The following PARD3B variants were observed in gnomAD, a reference collection of about 807,000 sequenced individuals.
PARD3B encodes par-3 family cell polarity regulator beta.
A neutral mutation model predicts 130.2 loss-of-function variants in PARD3B; 103 were observed. The observed-to-expected ratio is 0.79, with a 90% CI of 0.67 to 0.93. PARD3B has a LOEUF of 0.93. Among genes scored for constraint, PARD3B ranks in the 40% least tolerant of loss-of-function variants. The pLI is 0.00. For synonymous variants in PARD3B, 583 were observed against 553.2 expected, an observed-to-expected ratio of 1.05 and a Z score of -0.76; for missense variants, 1,609 against 1,499.2, an observed-to-expected ratio of 1.07 and a Z score of -1.21.
Position 204,967,970 on chromosome 2 carries a change from G to T in PARD3B, c.394+2647G>T, listed in dbSNP as rs574257823. 6.6e-6 allele frequency among the ~76,000 whole-genome samples: 1 copy of T among 152,222 alleles called. No homozygotes were observed. The highest frequency in any genetic ancestry group is 6.5e-5 in the Admixed American group (1 of 15,288). On this transcript the variant is annotated intron_variant, in intron 3 of 22. Coordinates refer to ENST00000406610, the MANE Select transcript of PARD3B (RefSeq NM_001302769.2). This position sits in a 1 kb window ranked among gnomAD's most constrained non-coding sequence, Gnocchi z 4.4. ...TGCCCCAGCAGTTCCTCCTAACAGGGTGCTCATGAAATGTCAGCCATTGAA... is the reference window on the plus strand; with the variant it reads ...TGCCCCAGCAGTTCCTCCTAACAGGTTGCTCATGAAATGTCAGCCATTGAA...
intron 1 of PARD3B, among the ~76,000 whole-genome samples, chr2:204,551,673 C>T (rs571261305): frequency 3.9e-4 from 59 of 152,218 alleles, no homozygotes; most frequent in African/African-American, 1.2e-3. Flanking sequence ...GCCCTGTGCG[C>T]GATTGGGAGC....
intron 18 of PARD3B, among the ~76,000 whole-genome samples, 200 bp from the exon 19 acceptor site, chr2:205,400,813 A>T (rs769091271): frequency 5.3e-5 from 8 of 152,170 alleles, no homozygotes; most frequent in Admixed American, 2.0e-4. Flanking sequence ...GGAAGGAAAG[A>T]AGAGAGAAAA....
chr2:204,952,692 C>T (rs1195651020), intron 2 of PARD3B, among the ~76,000 whole-genome samples: 1 of 152,022 alleles, frequency 6.6e-6, no homozygotes, highest in Non-Finnish European at 1.5e-5. Context: ...GTAAAAATAG[C>T]TCATAAAAAT....
At chr2:205,594,682 C>T (rs2106608519) in intron 22 of PARD3B, among the ~76,000 whole-genome samples, 1 of 152,184 alleles carries the variant, frequency 6.6e-6, no homozygotes, top group East Asian at 1.9e-4. Context: ...ATGTGAAAGC[C>T]CTTGACTTTG....
At chr2:205,318,496 G>C (rs1005157319) in intron 18 of PARD3B, among the ~76,000 whole-genome samples, 1 of 152,086 alleles carries the variant, frequency 6.6e-6, no homozygotes, top group Admixed American at 6.5e-5. Context: ...AGGTTAACTA[G>C]AACTTGCTAC....
At chr2:205,457,430 A>C (rs1392906257) in intron 20 of PARD3B, among the ~76,000 whole-genome samples, 1 of 151,714 alleles carries the variant, frequency 6.6e-6, no homozygotes, top group Non-Finnish European at 1.5e-5. Context: ...CTATGTTTTC[A>C]TGTATCTTAA....
intron 3 of PARD3B, among the ~76,000 whole-genome samples, chr2:205,017,711 T>C (rs1029465485): frequency 6.6e-6 from 1 of 152,164 alleles, no homozygotes; most frequent in African/African-American, 2.4e-5. Context: ...ACTTAATTTC[T>C]GCTTAATTTT....
rs200309577 is a variant in PARD3B at position 204,868,187 on chromosome 2, G to A, written c.223-96965G>A. 9.2e-5 allele frequency among the ~76,000 whole-genome samples: 14 copies of A among 152,250 alleles called. No homozygotes were observed. In the East Asian group the frequency reaches 2.7e-3, roughly 29 times the overall value. On this transcript the variant is annotated intron_variant, in intron 2 of 22. Coordinates refer to ENST00000406610, the MANE Select transcript of PARD3B (RefSeq NM_001302769.2). ...CCAGTCTGGGCTCTATAAATAGATA[G>A]GGACTGTGCTTAACTGTCAGTGAAT...
At chr2:205,356,610 G>A (rs2044201140) in intron 18 of PARD3B, among the ~76,000 whole-genome samples, 1 of 152,138 alleles carries the variant, frequency 6.6e-6, no homozygotes, top group Admixed American at 6.6e-5. Context: ...TATCATTCTG[G>A]CCAGCCGTGA....
At chr2:205,298,700 T>A (rs2041881722) in intron 16 of PARD3B, among the ~76,000 whole-genome samples, 1 of 152,204 alleles carries the variant, frequency 6.6e-6, no homozygotes, top group East Asian at 1.9e-4. Context: ...CATCCAATTT[T>A]TGCAGTTTGC....
At chr2:204,551,450 T>C (rs2030453914) in intron 1 of PARD3B, among the ~76,000 whole-genome samples, 1 of 152,224 alleles carries the variant, frequency 6.6e-6, no homozygotes, top group South Asian at 2.1e-4. Context: ...GTTTTTACTC[T>C]GTGCTTATTT....
intron 19 of PARD3B, among the ~76,000 whole-genome samples, chr2:205,434,007 T>G (rs1269538894): frequency 2.0e-5 from 3 of 152,198 alleles, no homozygotes; most frequent in Admixed American, 2.0e-4. Flanking sequence ...GTCATTTCTT[T>G]TTTCAATTCA....
chr2:204,759,067 A>G (rs2040792951), intron 2 of PARD3B, among the ~76,000 whole-genome samples: 1 of 152,070 alleles, frequency 6.6e-6, no homozygotes, highest in Non-Finnish European at 1.5e-5. Flanking sequence ...ATGCCTTCCT[A>G]ATATCTAAGC....
chr2:205,201,306 ATT>A (rs1382899403), intron 15 of PARD3B, among the ~76,000 whole-genome samples: 1 of 140,132 alleles, frequency 7.1e-6, no homozygotes, highest in African/African-American at 2.7e-5. Flanking sequence ...GATACATCAC[ATT>A]TACAAGTTTT....
chr2:204,897,053 C>T (rs1180027313), intron 2 of PARD3B, among the ~76,000 whole-genome samples: 1 of 151,972 alleles, frequency 6.6e-6, no homozygotes, highest in Non-Finnish European at 1.5e-5. Flanking sequence ...ACAATAATAC[C>T]ATAGATATTC....
intron 2 of PARD3B, among the ~76,000 whole-genome samples, chr2:204,866,451 A>T (rs1331758807): frequency 6.6e-6 from 1 of 152,174 alleles, no homozygotes; most frequent in African/African-American, 2.4e-5. Context: ...GTTTACATAC[A>T]CAAACAAGTA....
At chr2:204,947,231 G>A (rs1321925769) in intron 2 of PARD3B, among the ~76,000 whole-genome samples, 1 of 152,072 alleles carries the variant, frequency 6.6e-6, no homozygotes, top group African/African-American at 2.4e-5. Context: ...ACTTAAGAAG[G>A]GAATTATGTC....
At chr2:204,663,564 G>A (rs1200056945) in intron 1 of PARD3B, among the ~76,000 whole-genome samples, 1 of 152,210 alleles carries the variant, frequency 6.6e-6, no homozygotes. Flanking sequence ...GATAGGAGGT[G>A]AAGTATTTGA....
chr2:204,576,635 ATACATG>A (rs1320778890), intron 1 of PARD3B, among the ~76,000 whole-genome samples: 1 of 152,150 alleles, frequency 6.6e-6, no homozygotes, highest in Non-Finnish European at 1.5e-5. Context: ...GTAAATGAAT[ATACATG>A]CTTGAGTGTG....
Sources: allele counts gnomAD v4.1 joint callset (sites outside exome capture counted in the v4.1 genomes callset), GRCh38; gene constraint gnomAD v4.1.1; non-coding constraint Gnocchi (gnomAD v3.1); transcripts MANE v1.5; gene names NCBI Gene and HGNC (gene_info 2026-07-23, HGNC 2026-07-21).